Variants in AGAP4 observed in about 807,000 individuals in gnomAD.
The protein encoded by AGAP4 is arf-GAP with GTPase, ANK repeat and PH domain-containing protein 4.
A neutral mutation model predicts 60.7 loss-of-function variants in AGAP4; 13 were observed. That is an observed-to-expected ratio of 0.21 (90% CI 0.14 to 0.34). The LOEUF is 0.34. Among genes scored for constraint, AGAP4 ranks in the 10% least tolerant of loss-of-function variants. AGAP4 has a pLI of 1.00. For missense variants in AGAP4, 169 were observed against 884.0 expected (o/e 0.19, Z 10.26); for synonymous variants, 70 against 339.0 (o/e 0.21, Z 8.72).
At chr10:45,847,832 C>G (rs2059024746), upstream of AGAP4, 1 of 1,110,174 alleles carries the variant, frequency 9.0e-7, no homozygotes, top group African/African-American at 1.6e-5. Flanking sequence ...CCCAACAGCT[C>G]AGAATGCCCC....
intron 5 of AGAP4, among the ~76,000 whole-genome samples, chr10:45,831,896 T>G (rs2058737464): frequency 6.8e-6 from 1 of 147,648 alleles, no homozygotes. Context: ...TGTGCCACTA[T>G]GCCCAGATAA....
chr10:45,849,495 A>ATTC (rs2059055853), upstream of AGAP4, among the ~76,000 whole-genome samples: 1 of 150,994 alleles, frequency 6.6e-6, no homozygotes, highest in East Asian at 1.9e-4. Flanking sequence ...TATTATTATT[A>ATTC]TTATTTTGAG....
chr10:45,829,052 A>G (rs1278457539), intron 6 of AGAP4, among the ~76,000 whole-genome samples: 1 of 57,098 alleles, frequency 1.8e-5, no homozygotes, highest in Non-Finnish European at 3.4e-5. Context: ...AAAATTTTAA[A>G]AATTTGTGAA....
Position 45,843,998 on chromosome 10 carries a change from G to C in AGAP4, c.361+328C>G, listed in dbSNP as rs1176257530. Among the ~76,000 whole-genome samples, 3 of 149,700 alleles carry C rather than the reference G, an allele frequency of 2.0e-5. 1 individual carries two copies. Among genetic ancestry groups the C allele is most frequent in the African/African-American group, 5.1e-5 (2 of 39,178 alleles). On this transcript the variant is annotated intron_variant, in intron 3 of 7. Transcript: ENST00000616763. ...TTAAAATGTACTTTTTGGAGCAAGG[G>C]AAAAGGGATTGTAAATAAAGATGAA...
intron 7 of AGAP4, 40 bp from the exon 8 acceptor site, chr10:45,827,430 T>C: frequency 6.8e-7 from 1 of 1,460,938 alleles, no homozygotes; most frequent in South Asian, 1.3e-5. Flanking sequence ...AAAAATTGGG[T>C]AGTGGCTTGC....
upstream of AGAP4, chr10:45,854,633 C>CAAAAAAAAA (rs1159986731): frequency 4.5e-5 from 3 of 66,266 alleles, no homozygotes; most frequent in African/African-American, 6.4e-5. Flanking sequence ...GACTCCCTCT[C>CAAAAAAAAA]AAAAAAAAAA....
intron 2 of AGAP4, among the ~76,000 whole-genome samples, chr10:45,845,656 G>C (rs2058986200): frequency 9.3e-6 from 1 of 107,854 alleles, no homozygotes; most frequent in Non-Finnish European, 2.0e-5. Flanking sequence ...AGGCTGGAGT[G>C]CATTGGCGTG....
intron 2 of AGAP4, chr10:45,844,597 A>G: frequency 1.8e-6 from 1 of 565,946 alleles, no homozygotes; most frequent in Non-Finnish European, 2.9e-6. Flanking sequence ...CTGAGATGGG[A>G]AAATCACTTG....
chr10:45,851,462 C>G (rs1456741029), upstream of AGAP4, among the ~76,000 whole-genome samples: 5 of 152,030 alleles, frequency 3.3e-5, no homozygotes, highest in African/African-American at 9.7e-5. Context: ...CACAAATTAG[C>G]TATGGCAACT....
intron 2 of AGAP4, among the ~76,000 whole-genome samples, chr10:45,845,619 G>T (rs1159854069): frequency 2.7e-5 from 3 of 110,638 alleles, no homozygotes; most frequent in African/African-American, 6.6e-5. Context: ...TTTTTTTTTT[G>T]TGAGACGGAG....
At chr10:45,851,346 C>T (rs2059081598), upstream of AGAP4, among the ~76,000 whole-genome samples, 1 of 151,976 alleles carries the variant, frequency 6.6e-6, no homozygotes, top group South Asian at 2.1e-4. Flanking sequence ...ATGATGCCTT[C>T]TTTTCATATC....
chr10:45,849,274 G>A (rs2059049903), upstream of AGAP4, among the ~76,000 whole-genome samples: 1 of 151,472 alleles, frequency 6.6e-6, no homozygotes, highest in African/African-American at 2.4e-5. Context: ...AGGACTTACT[G>A]AATATCACAA....
At chr10:45,853,703 A>G (rs2059110178) in exon 1 of AGAP4, 25 of 1,287,666 alleles carry the variant, frequency 1.9e-5, no homozygotes, top group Admixed American at 6.9e-5. Context: ...GTTGGTCAGA[A>G]GCTCCTCTTG....
intron 1 of AGAP4, among the ~76,000 whole-genome samples, chr10:45,853,367 T>A (rs1238615737): frequency 6.6e-6 from 1 of 151,398 alleles, no homozygotes; most frequent in South Asian, 2.1e-4. Context: ...CAGTCTTCCA[T>A]TGTTTAGACC....
upstream of AGAP4, chr10:45,847,935 A>C (rs1460918985): frequency 9.6e-7 from 1 of 1,038,290 alleles, no homozygotes; most frequent in Non-Finnish European, 1.2e-6. Context: ...ATTCATCACC[A>C]GCTTCCTGAG....
upstream of AGAP4, among the ~76,000 whole-genome samples, chr10:45,850,822 C>T (rs3098114): frequency 0.44 from 66,277 of 150,286 alleles, 15,055 homozygotes; most frequent in South Asian, 0.65. Context: ...GAGGAAAAGA[C>T]AGTTTTTTAC....
At chr10:45,835,146 G>A (rs1360089280) in intron 4 of AGAP4, among the ~76,000 whole-genome samples, 11 of 139,846 alleles carry the variant, frequency 7.9e-5, no homozygotes, top group Non-Finnish European at 1.5e-4. Context: ...TTATTGCAGT[G>A]AATACAAGAC....
upstream of AGAP4, chr10:45,848,956 T>C (rs1215528558): frequency 6.6e-6 from 1 of 150,638 alleles, no homozygotes; most frequent in Non-Finnish European, 1.5e-5. Flanking sequence ...CTGGGCACGG[T>C]GGCTCACACT....
chr10:45,842,965 C>T (rs1373642752), intron 3 of AGAP4, among the ~76,000 whole-genome samples: 19 of 99,024 alleles, frequency 1.9e-4, no homozygotes, highest in African/African-American at 8.6e-4. Context: ...GTCCCATCCC[C>T]ATGGTAATAA....
Sources: allele counts gnomAD v4.1 joint callset (sites outside exome capture counted in the v4.1 genomes callset), GRCh38; gene constraint gnomAD v4.1.1; transcripts MANE v1.5; gene names NCBI Gene and HGNC (gene_info 2026-07-23, HGNC 2026-07-21).